The following ZFHX3 variants were observed in gnomAD, a reference collection of about 807,000 sequenced individuals.
ZFHX3 encodes the protein zinc finger homeobox 3.
Under a neutral mutation model 279.1 loss-of-function variants are expected in ZFHX3, and 42 were observed. That is an observed-to-expected ratio of 0.15 (90% CI 0.12 to 0.19). The LOEUF (loss-of-function observed/expected upper bound fraction) is 0.19. Among genes scored for constraint, ZFHX3 ranks in the 10% least tolerant of loss-of-function variants. The pLI, the probability that ZFHX3 is intolerant of heterozygous loss-of-function variation, is 1.00. For missense variants in ZFHX3, 4,981 were observed against 4,754.0 expected (o/e 1.05, Z -1.40); for synonymous variants, 2,293 against 1,957.8 (o/e 1.17, Z -4.52).
intron 4 of ZFHX3, among the ~76,000 whole-genome samples, chr16:73,287,419 G>A (rs1410862780): frequency 1.4e-5 from 2 of 146,400 alleles, no homozygotes; most frequent in African/African-American, 5.1e-5. Flanking sequence ...GTGGGGTGGT[G>A]TGTGGGTGTG....
intron 1 of ZFHX3, among the ~76,000 whole-genome samples, chr16:73,031,018 C>T (rs1157153510): frequency 6.6e-6 from 1 of 152,174 alleles, no homozygotes; most frequent in Admixed American, 6.5e-5. Flanking sequence ...TCTACTGCAG[C>T]CAGAATTCCT....
In ZFHX3 at chr16:73,505,949, T is replaced by C. The variant is rs543921580; in HGVS notation, c.-1546-49691A>G. ...TTCCGTCCATTCAGTATTTCTTGAGTTCCTACTGTGTGCAAGGCACCCTGT... is the reference window on the plus strand; with the variant it reads ...TTCCGTCCATTCAGTATTTCTTGAGCTCCTACTGTGTGCAAGGCACCCTGT... On this transcript the variant is annotated intron_variant, in intron 2 of 17. Coordinates refer to the ZFHX3 transcript ENST00000641206. Among the ~76,000 whole-genome samples the C allele has an allele frequency of 8.5e-5, 13 of 152,274 alleles. 1 individual carries two copies. In the East Asian group the frequency reaches 2.5e-3, roughly 29 times the overall value.
intron 3 of ZFHX3, among the ~76,000 whole-genome samples, chr16:72,927,012 G>C (rs1369574700): frequency 6.6e-6 from 1 of 152,214 alleles, no homozygotes; most frequent in Non-Finnish European, 1.5e-5. Context: ...CTGGAGGAGA[G>C]TCCCAGCATA....
At chr16:72,791,187 T>C (rs1235800281) in intron 9 of ZFHX3, 1 of 152,168 alleles carries the variant, frequency 6.6e-6, no homozygotes, top group African/African-American at 2.4e-5. Flanking sequence ...ACCTCAGCTT[T>C]CCATAACAGA....
intron 1 of ZFHX3, among the ~76,000 whole-genome samples, chr16:73,866,133 G>T (rs1463856631): frequency 1.3e-5 from 2 of 149,298 alleles, no homozygotes; most frequent in Non-Finnish European, 3.0e-5. Flanking sequence ...CTACCAAGTA[G>T]CTGGGACTAC....
chr16:73,344,404 G>A (rs1452463207), intron 3 of ZFHX3, among the ~76,000 whole-genome samples: 1 of 152,202 alleles, frequency 6.6e-6, no homozygotes, highest in East Asian at 1.9e-4. Flanking sequence ...AAAGAATGAG[G>A]AATTGTTCTG....
At chr16:73,170,777 A>G (rs929580841) in intron 5 of ZFHX3, among the ~76,000 whole-genome samples, 10 of 152,124 alleles carry the variant, frequency 6.6e-5, no homozygotes, top group Non-Finnish European at 1.3e-4. Flanking sequence ...CTCCCCAGGA[A>G]GTGTCAGTCA....
At chr16:73,823,163 A>G (rs560453475) in intron 1 of ZFHX3, among the ~76,000 whole-genome samples, 1 of 152,332 alleles carries the variant, frequency 6.6e-6, no homozygotes, top group Non-Finnish European at 1.5e-5. Flanking sequence ...AGTATTTATA[A>G]TGAGGAAATC....
At chr16:73,053,548 A>C (rs1213314299) in intron 1 of ZFHX3, among the ~76,000 whole-genome samples, 1 of 152,094 alleles carries the variant, frequency 6.6e-6, no homozygotes, top group East Asian at 1.9e-4. Flanking sequence ...GCAGGGGCAA[A>C]GTGGGGGGAG....
At chr16:72,883,975 G>C (rs2038560655) in intron 4 of ZFHX3, among the ~76,000 whole-genome samples, 1 of 151,268 alleles carries the variant, frequency 6.6e-6, no homozygotes, top group South Asian at 2.1e-4. Flanking sequence ...ACATATTTTA[G>C]TGCTATCAGA....
At chr16:73,488,544 T>C (rs905225002) in intron 2 of ZFHX3, among the ~76,000 whole-genome samples, 4 of 152,284 alleles carry the variant, frequency 2.6e-5, no homozygotes, top group Middle Eastern at 3.4e-3. Flanking sequence ...TCTCAATGGC[T>C]GCCTCCTGGG....
intron 1 of ZFHX3, among the ~76,000 whole-genome samples, chr16:73,023,992 G>A (rs931195412): frequency 3.9e-5 from 6 of 152,158 alleles, no homozygotes; most frequent in Non-Finnish European, 8.8e-5. Context: ...AGAGAAGGAC[G>A]TCCTGGAAAC....
At position 73,448,394 on chromosome 16, in the gene ZFHX3, TA is replaced by T. The variant is rs200544508; in HGVS notation, c.-1291+7608del. Among the ~76,000 whole-genome samples, 315 of 152,266 alleles carry T rather than the reference TA, an allele frequency of 2.1e-3. 2 individuals carry two copies. The highest frequency in any genetic ancestry group is 7.1e-3 in the African/African-American group (294 of 41,558). On this transcript the variant is annotated intron_variant, in intron 3 of 17. Transcript: ENST00000641206. ...GCTATTAAAGTAACATAATGATTTT[TA>T]AAAAGACTTTGGAGCTTAGGGAAAA...
At position 73,420,460 on chromosome 16, in the gene ZFHX3, C is replaced by T. The variant is rs7186767; in HGVS notation, c.-1291+35543G>A. On this transcript the variant is annotated intron_variant, in intron 3 of 17. Coordinates refer to the ZFHX3 transcript ENST00000641206. The stretch of plus-strand genomic sequence containing the variant: ...ATCACCACTGCAGGGAAGGCGGCGT[C>T]GCTGGCATTATCGGGTAGATGCCAG... Among the ~76,000 whole-genome samples the T allele has an allele frequency of 6.8e-3, 1,033 of 152,282 alleles. 15 individuals carry two copies. The highest frequency in any genetic ancestry group is 0.024 in the African/African-American group (979 of 41,564).
intron 4 of ZFHX3, among the ~76,000 whole-genome samples, chr16:73,296,246 C>G (rs762421763): frequency 1.3e-5 from 2 of 152,170 alleles, no homozygotes; most frequent in Admixed American, 1.3e-4. Flanking sequence ...TCCAAACTCT[C>G]TCATTTAAAA....
At chr16:73,332,228 C>T (rs946294252) in intron 3 of ZFHX3, among the ~76,000 whole-genome samples, 1 of 151,948 alleles carries the variant, frequency 6.6e-6, no homozygotes, top group Non-Finnish European at 1.5e-5. Context: ...AGCTATTAAA[C>T]AAGTAGGAAG....
intron 3 of ZFHX3, among the ~76,000 whole-genome samples, chr16:73,339,360 C>A (rs2015985190): frequency 6.6e-6 from 1 of 152,198 alleles, no homozygotes; most frequent in African/African-American, 2.4e-5. Context: ...AAGACACCAT[C>A]TTGTCTTATT....
chr16:72,829,738 G>A, intron 5 of ZFHX3, 41 bp downstream of exon 5: 1 of 1,606,336 alleles, frequency 6.2e-7, no homozygotes, highest in Non-Finnish European at 8.5e-7. Flanking sequence ...CTCAAGGACA[G>A]CCACACACAC....
chr16:73,507,804 GC>G (rs2019354470), intron 2 of ZFHX3, among the ~76,000 whole-genome samples: 1 of 152,052 alleles, frequency 6.6e-6, no homozygotes, highest in Non-Finnish European at 1.5e-5. Flanking sequence ...CCTGGCCTCT[GC>G]CACTTTTTAC....
Sources: gnomAD v4.1 joint callset for allele counts (sites outside exome capture counted in the v4.1 genomes callset) on GRCh38, gnomAD v4.1.1 for gene constraint, MANE v1.5 for transcripts, NCBI Gene and HGNC (gene_info 2026-07-23, HGNC 2026-07-21) for gene names.